Variants in GRIP1 observed in about 807,000 individuals in gnomAD.
The protein encoded by GRIP1 is glutamate receptor interacting protein 1, also known as glutamate receptor-interacting protein 1.
Under a neutral mutation model 129.9 loss-of-function variants are expected in GRIP1, and 45 were observed. The observed-to-expected ratio is 0.35, with a 90% confidence interval of 0.27 to 0.44. GRIP1 has a LOEUF of 0.44. Ranked by LOEUF, GRIP1 falls within the 20% of genes least tolerant of loss-of-function variation. GRIP1 has a pLI of 1.00. For missense variants in GRIP1, 1,196 were observed against 1,396.8 expected, an observed-to-expected ratio of 0.86 and a Z score of 2.29; for synonymous variants, 530 against 520.8, an observed-to-expected ratio of 1.02 and a Z score of -0.24.
chr12:66,704,470 G>T (rs189372413), intron 1 of GRIP1, among the ~76,000 whole-genome samples: 11 of 152,104 alleles, frequency 7.2e-5, no homozygotes, highest in Admixed American at 3.9e-4. Context: ...GACAAAAGAT[G>T]TGAAGAAACA....
At chr12:66,597,540 G>A (rs1318086784) in intron 1 of GRIP1, among the ~76,000 whole-genome samples, 1 of 152,120 alleles carries the variant, frequency 6.6e-6, no homozygotes, top group African/African-American at 2.4e-5. Context: ...GGGAAGGAAC[G>A]ATGGTTTGGC....
At chr12:66,698,026 C>T (rs776494221) in intron 1 of GRIP1, among the ~76,000 whole-genome samples, 1 of 152,060 alleles carries the variant, frequency 6.6e-6, no homozygotes, top group Non-Finnish European at 1.5e-5. Context: ...AAAAGAATTA[C>T]GGTTACAGTA....
intron 1 of GRIP1, among the ~76,000 whole-genome samples, chr12:67,040,443 T>C (rs954020891): frequency 6.6e-6 from 1 of 152,250 alleles, no homozygotes; most frequent in African/African-American, 2.4e-5. Flanking sequence ...CATAAATCCC[T>C]ATTAAAATCA....
In GRIP1 at chr12:66,970,357, T is replaced by C. The variant is rs533604056; in HGVS notation, c.58+98693A>G. Among the ~76,000 whole-genome samples, 6 of 152,274 alleles carry C rather than the reference T, an allele frequency of 3.9e-5. 1 individual carries two copies. The South Asian group carries it at 6.2e-4, about 16-fold the overall frequency. ...TTGGCTTCCCAAAGTGCTAGAATTATAGGCATGAGCCATGTGCCCAGCCTC... is the reference window on the plus strand; with the variant it reads ...TTGGCTTCCCAAAGTGCTAGAATTACAGGCATGAGCCATGTGCCCAGCCTC... On this transcript the variant is annotated intron_variant, in intron 1 of 1. Transcript: ENST00000643019.
intron 1 of GRIP1, chr12:67,035,419 C>G (rs1447309022): frequency 2.6e-5 from 4 of 152,138 alleles, no homozygotes; most frequent in Non-Finnish European, 4.4e-5. Flanking sequence ...AATGAAACAG[C>G]CAGCTGTTTA....
intron 1 of GRIP1, among the ~76,000 whole-genome samples, chr12:67,002,062 A>T (rs1264044473): frequency 6.6e-6 from 1 of 152,202 alleles, no homozygotes; most frequent in Non-Finnish European, 1.5e-5. Flanking sequence ...ATATGCACCC[A>T]GTTGTAAATC....
intron 14 of GRIP1, among the ~76,000 whole-genome samples, chr12:66,431,674 C>T (rs1009862331): frequency 4.6e-5 from 7 of 152,172 alleles, no homozygotes; most frequent in Admixed American, 1.3e-4. Flanking sequence ...ACAGTCATTA[C>T]CTCTACGTCT....
chr12:66,455,494 C>G lies in GRIP1; in HGVS notation c.1269G>C (p.Gly423=). 6.2e-7 allele frequency: 1 copy of G among 1,611,780 alleles called. No individual in the cohort carries two copies. The highest frequency in any genetic ancestry group is 8.5e-7 in the Non-Finnish European group (1 of 1,177,882). The stretch of plus-strand genomic sequence containing the variant: ...TGGAGTAGAGGCTTCGAGGTAGAGT[C>G]CCCATGTTCAGGGAACTCAGGCTGT... The part of the protein sequence containing the change: ...SAYSLSSLNM[G]TLPRSLYSTS... Residue 423 remains glycine (G), a synonymous_variant, in exon 11 of 25, where the codon GGG becomes GGC. Coordinates refer to ENST00000359742, the MANE Select transcript of GRIP1 (RefSeq NM_001366722.1).
intron 1 of GRIP1, among the ~76,000 whole-genome samples, chr12:66,833,217 C>T (rs539978361): frequency 8.3e-4 from 126 of 152,318 alleles, no homozygotes; most frequent in Admixed American, 3.7e-3. Flanking sequence ...CAGGGGCCCC[C>T]GGCTACGGTT....
intron 1 of GRIP1, among the ~76,000 whole-genome samples, chr12:66,730,826 A>C (rs2036413966): frequency 6.6e-6 from 1 of 152,044 alleles, no homozygotes; most frequent in Admixed American, 6.6e-5. Flanking sequence ...TTGAAAAAAA[A>C]ATGTATATTA....
intron 1 of GRIP1, among the ~76,000 whole-genome samples, chr12:66,938,257 TC>T (rs887635423): frequency 2.0e-5 from 3 of 152,024 alleles, no homozygotes; most frequent in African/African-American, 7.2e-5. Flanking sequence ...ACGCCTGTAG[TC>T]CCAGCTACTT....
intron 23 of GRIP1, among the ~76,000 whole-genome samples, chr12:66,360,699 G>A (rs938555074): frequency 6.6e-6 from 1 of 152,124 alleles, no homozygotes; most frequent in African/African-American, 2.4e-5. Flanking sequence ...CAAGTCTACC[G>A]ACATGTTTGA....
At chr12:66,895,340 C>T (rs1323822166) in intron 1 of GRIP1, among the ~76,000 whole-genome samples, 1 of 152,196 alleles carries the variant, frequency 6.6e-6, no homozygotes, top group Non-Finnish European at 1.5e-5. Flanking sequence ...TTCCCCTACA[C>T]ACGTTCTCTT....
intron 14 of GRIP1, among the ~76,000 whole-genome samples, chr12:66,426,196 CT>C (rs1400649922): frequency 6.6e-6 from 1 of 152,056 alleles, no homozygotes; most frequent in African/African-American, 2.4e-5. Flanking sequence ...AAATAAATCC[CT>C]TAATTCTAAG....
At chr12:66,768,608 G>A (rs532141275) in intron 1 of GRIP1, among the ~76,000 whole-genome samples, 13 of 152,276 alleles carry the variant, frequency 8.5e-5, no homozygotes, top group Non-Finnish European at 1.3e-4. Context: ...TCCCAATGGC[G>A]TGGAGGAAAT....
intron 1 of GRIP1, among the ~76,000 whole-genome samples, chr12:67,048,511 A>G (rs569658382): frequency 6.6e-6 from 1 of 152,100 alleles, no homozygotes; most frequent in Admixed American, 6.6e-5. Flanking sequence ...TGAAGGCTAG[A>G]GTGCAGTTGC....
At chr12:66,938,826 G>C (rs2041534008) in intron 1 of GRIP1, among the ~76,000 whole-genome samples, 1 of 151,984 alleles carries the variant, frequency 6.6e-6, no homozygotes, top group African/African-American at 2.4e-5. Context: ...GCGTGGTGGT[G>C]CATGCCTGTA....
At chr12:66,917,076 T>C (rs2041135954) in intron 1 of GRIP1, among the ~76,000 whole-genome samples, 1 of 152,218 alleles carries the variant, frequency 6.6e-6, no homozygotes, top group Admixed American at 6.5e-5. Flanking sequence ...ATTTCTCAGA[T>C]TTACTAAATT....
chr12:66,916,771 G>GA (rs987018005), intron 1 of GRIP1, among the ~76,000 whole-genome samples: 9 of 150,460 alleles, frequency 6.0e-5, no homozygotes, highest in Non-Finnish European at 8.9e-5. Context: ...CCTCTAATAG[G>GA]AAAAAAAAAT....
Sources: allele counts gnomAD v4.1 joint callset (sites outside exome capture counted in the v4.1 genomes callset), GRCh38; gene constraint gnomAD v4.1.1; transcripts MANE v1.5; gene names NCBI Gene and HGNC (gene_info 2026-07-23, HGNC 2026-07-21).